NBPF4: variants seen among roughly 807,000 people sequenced by gnomAD.
NBPF4 encodes the protein NBPF family member NBPF4.
NBPF4 carries 11 observed loss-of-function variants against 21.1 expected under a neutral mutation model. That is an observed-to-expected ratio of 0.52 (90% CI 0.33 to 0.86). NBPF4 has a LOEUF of 0.86. Ranked by LOEUF, NBPF4 falls within the 40% of genes least tolerant of loss-of-function variation. The probability of loss-of-function intolerance (pLI) is 0.03; values close to 1 mark genes in which losing one functional copy is unlikely to be tolerated. For synonymous variants in NBPF4, 47 were observed against 106.4 expected (o/e 0.44, Z 3.43); for missense variants, 88 against 265.3 (o/e 0.33, Z 4.64).
At chr1:108,247,897 C>T (rs1478253424), upstream of NBPF4, among the ~76,000 whole-genome samples, 29 of 145,696 alleles carry the variant, frequency 2.0e-4, no homozygotes, top group African/African-American at 6.4e-4. Flanking sequence ...TCACTGCATA[C>T]CCAAATCCTG....
the NBPF4 span, among the ~76,000 whole-genome samples, chr1:108,259,895 A>T: frequency 6.9e-6 from 1 of 144,484 alleles, no homozygotes; most frequent in East Asian, 2.0e-4. Context: ...TGGTTAGGTC[A>T]GAGACTAAAA....
chr1:108,241,461 T>C (rs1425843403), intron 3 of NBPF4, among the ~76,000 whole-genome samples: 1 of 148,012 alleles, frequency 6.8e-6, no homozygotes, highest in African/African-American at 2.5e-5. Flanking sequence ...CTCGCAGATG[T>C]TCCATTCATC....
chr1:108,244,912 A>G (rs1649781823), upstream of NBPF4, among the ~76,000 whole-genome samples: 2 of 33,600 alleles, frequency 6.0e-5, no homozygotes, highest in Admixed American at 7.5e-4. Flanking sequence ...ATATATATAT[A>G]TATATATATA....
intron 13 of NBPF4, among the ~76,000 whole-genome samples, chr1:108,228,272 A>AG (rs1649533947): frequency 7.8e-6 from 1 of 128,142 alleles, no homozygotes; most frequent in Admixed American, 8.1e-5. Flanking sequence ...AAAAAAAAGC[A>AG]GAAAAAACAG....
chr1:108,247,716 CAAAA>C (rs1649881953), upstream of NBPF4, among the ~76,000 whole-genome samples: 1 of 149,966 alleles, frequency 6.7e-6, no homozygotes, highest in South Asian at 2.1e-4. Context: ...CATTAAAAAA[CAAAA>C]CAAACAAACA....
In NBPF4 at chr1:108,222,831, CT is replaced by C. The variant is rs1299935244; in HGVS notation, c.*873del. Among the ~76,000 whole-genome samples, 2 of 152,140 alleles carry C rather than the reference CT, an allele frequency of 1.3e-5. No individual in the cohort carries two copies. Among genetic ancestry groups the C allele is most frequent in the African/African-American group, 4.8e-5 (2 of 41,428 alleles). On this transcript the variant is annotated 3_prime_UTR_variant, in exon 15 of 15. Coordinates refer to ENST00000415641, the MANE Select transcript of NBPF4 (RefSeq NM_001143989.3). Reference sequence around the variant, plus strand: ...CTATTTCAAACCACTTTCCAAATTACTTACAAATAAGATGTCTTTACAAGGG... The same window carrying C: ...CTATTTCAAACCACTTTCCAAATTACTACAAATAAGATGTCTTTACAAGGG...
At chr1:108,250,488 G>T in the NBPF4 span, among the ~76,000 whole-genome samples, 2 of 152,250 alleles carry the variant, frequency 1.3e-5, no homozygotes, top group African/African-American at 4.8e-5. Context: ...GCCCTTGCAG[G>T]GTTGGAAGTG....
rs1454712163 is a variant in NBPF4, at chr1:108,223,076, GT to G, written c.*628del. On this transcript the variant is annotated 3_prime_UTR_variant, in exon 15 of 15. Coordinates refer to ENST00000415641, the MANE Select transcript of NBPF4 (RefSeq NM_001143989.3). ...GACCATTGAGCCAGACAGCTGACCT[GT>G]CCTCCACAAACAAGTCCATGTCACC... 2.0e-5 allele frequency among the ~76,000 whole-genome samples: 3 copies of G among 152,140 alleles called. No homozygotes were observed. The highest frequency in any genetic ancestry group is 7.2e-5 in the African/African-American group (3 of 41,454).
the NBPF4 span, among the ~76,000 whole-genome samples, chr1:108,255,805 T>TTA: frequency 7.7e-6 from 1 of 130,652 alleles, no homozygotes. Context: ...GCCTGTAGTT[T>TTA]TATTTTCTTC....
chr1:108,234,965 C>A (rs941607778), intron 9 of NBPF4, among the ~76,000 whole-genome samples: 1 of 77,102 alleles, frequency 1.3e-5, no homozygotes, highest in African/African-American at 6.1e-5. Context: ...CTGGTTGACA[C>A]CATAAGAAGA....
In NBPF4 at chr1:108,223,693, T is replaced by C; in HGVS notation, c.*12A>G. The C allele has an allele frequency of 1.3e-6, 2 of 1,572,366 alleles. No individual in the cohort carries two copies. Among genetic ancestry groups the C allele is most frequent in the South Asian group, 2.3e-5 (2 of 85,844 alleles). ...TTTATCAAGTGGAAAAGCTGCTTTT[T>C]GTGACATTCTTTCATCCTGCCATCC... On this transcript the variant is annotated 3_prime_UTR_variant, in exon 15 of 15. Coordinates refer to ENST00000415641, the MANE Select transcript of NBPF4 (RefSeq NM_001143989.3).
chr1:108,224,763 A>G (rs1237452490), intron 14 of NBPF4, among the ~76,000 whole-genome samples: 1 of 142,876 alleles, frequency 7.0e-6, no homozygotes, highest in African/African-American at 2.6e-5. Flanking sequence ...GTGTTTTACT[A>G]CAGTCTCCCG....
the NBPF4 span, among the ~76,000 whole-genome samples, chr1:108,257,636 T>C: frequency 2.8e-5 from 4 of 143,688 alleles, no homozygotes; most frequent in Non-Finnish European, 4.5e-5. Context: ...TTGTTGAAAG[T>C]ACATACATTT....
chr1:108,268,680 G>A, the NBPF4 span, among the ~76,000 whole-genome samples: 1 of 149,580 alleles, frequency 6.7e-6, no homozygotes, highest in African/African-American at 2.5e-5. Context: ...AAAGATTAGA[G>A]AGAAAAATGC....
At chr1:108,228,582 G>C (rs1649547976) in intron 13 of NBPF4, among the ~76,000 whole-genome samples, 3 of 152,006 alleles carry the variant, frequency 2.0e-5, no homozygotes, top group South Asian at 4.2e-4. Context: ...CCTACTCATA[G>C]GTTTATTGGG....
In NBPF4 at chr1:108,226,298, GA is replaced by G. The variant is rs535082468; in HGVS notation, c.1875+380del. ...ATTAAAGCAATGACTTCTGCAGAAA[GA>G]GGCAATGGAGTTGGGGATGCAGCAA... is the stretch of plus-strand genomic sequence containing the variant. On this transcript the variant is annotated intron_variant, in intron 14 of 14. Transcript: ENST00000415641. 1.6e-3 allele frequency among the ~76,000 whole-genome samples: 239 copies of G among 151,630 alleles called. 12 individuals carry two copies. The highest frequency in any genetic ancestry group is 4.4e-3 in the African/African-American group (180 of 41,054).
Position 108,223,684 on chromosome 1 carries a change from G to T in NBPF4, c.*21C>A. The stretch of plus-strand genomic sequence containing the variant: ...TTAGTTGTTTTTATCAAGTGGAAAA[G>T]CTGCTTTTTGTGACATTCTTTCATC... On this transcript the variant is annotated 3_prime_UTR_variant, in exon 15 of 15. Coordinates refer to ENST00000415641, the MANE Select transcript of NBPF4 (RefSeq NM_001143989.3). 1 of 1,573,448 alleles carries T rather than the reference G, an allele frequency of 6.4e-7. No individual in the cohort carries two copies. Among genetic ancestry groups the T allele is most frequent in the Non-Finnish European group, 8.6e-7 (1 of 1,159,086 alleles).
At chr1:108,259,622 C>G in the NBPF4 span, among the ~76,000 whole-genome samples, 1 of 144,370 alleles carries the variant, frequency 6.9e-6, no homozygotes, top group Non-Finnish European at 1.5e-5. Flanking sequence ...CTTGTGATTC[C>G]AGCACTTTGG....
chr1:108,247,669 CT>C (rs1396531803), upstream of NBPF4, among the ~76,000 whole-genome samples: 2 of 150,112 alleles, frequency 1.3e-5, no homozygotes, highest in African/African-American at 4.9e-5. Context: ...TTTCTCTCCC[CT>C]GTACCTCATT....
Sources: gnomAD v4.1 joint callset for allele counts (sites outside exome capture counted in the v4.1 genomes callset) on GRCh38, gnomAD v4.1.1 for gene constraint, MANE v1.5 for transcripts, NCBI Gene and HGNC (gene_info 2026-07-23, HGNC 2026-07-21) for gene names.